Variants in PTPRD observed in about 807,000 individuals in gnomAD.
The protein encoded by PTPRD is receptor-type tyrosine-protein phosphatase delta.
A neutral mutation model predicts 214.5 loss-of-function variants in PTPRD; 34 were observed. The observed-to-expected ratio is 0.16, with a 90% CI of 0.12 to 0.21. The LOEUF is 0.21. PTPRD is among the 10% of genes least tolerant of loss of function. PTPRD has a pLI of 1.00. For missense variants in PTPRD, 2,545 were observed against 2,398.7 expected (o/e 1.06, Z -1.27); for synonymous variants, 1,128 against 845.7 (o/e 1.33, Z -5.79).
chr9:9,638,797 T>A (rs2095849923), intron 7 of PTPRD, among the ~76,000 whole-genome samples: 2 of 152,132 alleles, frequency 1.3e-5, no homozygotes, highest in Non-Finnish European at 2.9e-5. Flanking sequence ...GTCCTCACAG[T>A]TCTAGAGGCT....
chr9:10,152,741 C>T (rs769173466), intron 3 of PTPRD, among the ~76,000 whole-genome samples: 2 of 152,176 alleles, frequency 1.3e-5, no homozygotes, highest in African/African-American at 4.8e-5. Flanking sequence ...AGGAGAATAG[C>T]TTGAACCTGG....
chr9:8,507,137 T>C (rs566652042), intron 22 of PTPRD, among the ~76,000 whole-genome samples, 164 bp downstream of exon 22: 1 of 152,250 alleles, frequency 6.6e-6, no homozygotes, highest in Admixed American at 6.5e-5. Context: ...TTTTGGGGTT[T>C]TTCTTGGGGG....
intron 11 of PTPRD, among the ~76,000 whole-genome samples, chr9:9,015,253 A>C (rs975664846): frequency 7.2e-5 from 11 of 152,274 alleles, no homozygotes; most frequent in African/African-American, 2.6e-4. Flanking sequence ...AGGCATTCTA[A>C]GTCACAGGAT....
chr9:8,881,876 A>G (rs1205912111), intron 11 of PTPRD, among the ~76,000 whole-genome samples: 1 of 152,206 alleles, frequency 6.6e-6, no homozygotes, highest in African/African-American at 2.4e-5. Flanking sequence ...TGGATTCTTA[A>G]TGAGCTTCTT....
chr9:10,066,358 A>G (rs2097884537), intron 3 of PTPRD, among the ~76,000 whole-genome samples: 2 of 151,894 alleles, frequency 1.3e-5, no homozygotes, highest in South Asian at 4.1e-4. Flanking sequence ...TTCCTGATTT[A>G]CAACCATGGT....
chr9:10,173,115 G>T (rs887485136), intron 3 of PTPRD, among the ~76,000 whole-genome samples: 2 of 152,192 alleles, frequency 1.3e-5, no homozygotes, highest in Non-Finnish European at 2.9e-5. Context: ...TAACATTAGC[G>T]TATGATTACA....
At chr9:9,981,961 G>A (rs1191283816) in intron 4 of PTPRD, among the ~76,000 whole-genome samples, 1 of 152,136 alleles carries the variant, frequency 6.6e-6, no homozygotes, top group African/African-American at 2.4e-5. Flanking sequence ...CACAGGGCAT[G>A]ACACATTATT....
At chr9:9,442,737 G>C (rs1290088172) in intron 8 of PTPRD, among the ~76,000 whole-genome samples, 2 of 152,128 alleles carry the variant, frequency 1.3e-5, no homozygotes, top group Non-Finnish European at 2.9e-5. Flanking sequence ...TGTTGCCATT[G>C]ATCAAAAAAC....
chr9:9,813,794 G>C (rs117740257), intron 5 of PTPRD, among the ~76,000 whole-genome samples: 1 of 152,040 alleles, frequency 6.6e-6, no homozygotes. Flanking sequence ...ACCAAACCCA[G>C]ATAAAGATGC....
At chr9:8,747,664 G>A (rs10119621) in intron 11 of PTPRD, among the ~76,000 whole-genome samples, 10,794 of 152,164 alleles carry the variant, frequency 0.071, 1,019 homozygotes, top group African/African-American at 0.22. Context: ...TCACGAGGAC[G>A]TAGTTTCCTC....
intron 2 of PTPRD, among the ~76,000 whole-genome samples, chr9:10,611,360 G>GA (rs1486240297): frequency 3.9e-5 from 6 of 151,974 alleles, no homozygotes; most frequent in Non-Finnish European, 4.4e-5. Flanking sequence ...CAGTGATAAA[G>GA]AAAAAAATGC....
intron 10 of PTPRD, among the ~76,000 whole-genome samples, chr9:9,149,903 A>C (rs555550582): frequency 6.6e-6 from 1 of 152,320 alleles, no homozygotes; most frequent in South Asian, 2.1e-4. Context: ...TTTCCATTTA[A>C]GTACCTGAGG....
intron 7 of PTPRD, among the ~76,000 whole-genome samples, chr9:9,675,438 C>T (rs902681820): frequency 6.6e-6 from 1 of 150,890 alleles, no homozygotes; most frequent in Non-Finnish European, 1.5e-5. Flanking sequence ...CAGAGAAGAT[C>T]AACAAAATTA....
At chr9:10,432,316 T>G (rs1416962536) in intron 2 of PTPRD, among the ~76,000 whole-genome samples, 1 of 146,686 alleles carries the variant, frequency 6.8e-6, no homozygotes, top group East Asian at 2.2e-4. Flanking sequence ...GGGATAGCAT[T>G]GGGAGATATA....
At chr9:9,646,313 GT>G (rs1263470924) in intron 7 of PTPRD, among the ~76,000 whole-genome samples, 125 of 143,786 alleles carry the variant, frequency 8.7e-4, no homozygotes, top group African/African-American at 3.1e-3. Context: ...GTGTGTGTGT[GT>G]GTGGGTGTGT....
intron 11 of PTPRD, among the ~76,000 whole-genome samples, chr9:8,889,747 A>G (rs188048926): frequency 1.1e-4 from 16 of 152,310 alleles, no homozygotes; most frequent in African/African-American, 3.8e-4. Flanking sequence ...TTCACTTAGA[A>G]TAATGGTCTC....
intron 2 of PTPRD, among the ~76,000 whole-genome samples, chr9:10,442,587 G>T (rs2098767478): frequency 6.6e-6 from 1 of 151,536 alleles, no homozygotes; most frequent in African/African-American, 2.4e-5. Flanking sequence ...ACAAAGCAAG[G>T]GTTAATAAGG....
At chr9:8,905,493 C>T (rs759432433) in intron 11 of PTPRD, among the ~76,000 whole-genome samples, 1 of 151,996 alleles carries the variant, frequency 6.6e-6, no homozygotes, top group Non-Finnish European at 1.5e-5. Context: ...AATCCCAATA[C>T]ATTGGGAGGT....
chr9:9,136,820 G>A (rs2154478532), intron 10 of PTPRD, among the ~76,000 whole-genome samples: 1 of 152,230 alleles, frequency 6.6e-6, no homozygotes, highest in South Asian at 2.1e-4. Flanking sequence ...TGGAACTATG[G>A]AAGAATTTTG....
Sources: gnomAD v4.1 joint callset for allele counts (sites outside exome capture counted in the v4.1 genomes callset) on GRCh38, gnomAD v4.1.1 for gene constraint, MANE v1.5 for transcripts, NCBI Gene and HGNC (gene_info 2026-07-23, HGNC 2026-07-21) for gene names.